CD300A: variants seen among roughly 807,000 people sequenced by gnomAD.
CD300A encodes CMRF35-like molecule 8.
CD300A carries 22 observed loss-of-function variants against 33.6 expected under a neutral mutation model. That is an observed-to-expected ratio of 0.66 (90% CI 0.47 to 0.94). The LOEUF is 0.94. Among genes scored for constraint, CD300A ranks in the 40% least tolerant of loss-of-function variants. The pLI, the probability that CD300A is intolerant of heterozygous loss-of-function variation, is 0.00. For synonymous variants in CD300A, 136 were observed against 148.1 expected (o/e 0.92, Z 0.59); for missense variants, 326 against 360.5 (o/e 0.90, Z 0.77).
rs1208751273 is a variant in CD300A at position 74,466,673 on chromosome 17, T to A, written c.-31T>A. ...GGGTCCAGGTAGGGCCTGGAGCTGC[T>A]GCAAGTGCCGCCTGTGCTGGGGAAG... is the stretch of plus-strand genomic sequence containing the variant. On this transcript the variant is annotated 5_prime_UTR_variant, in exon 1 of 7. Transcript: ENST00000360141. 6.3e-7 allele frequency: 1 copy of A among 1,584,426 alleles called. No homozygotes were observed. Among genetic ancestry groups the A allele is most frequent in the African/African-American group, 1.3e-5 (1 of 74,430 alleles).
At chr17:74,471,910 G>A (rs1420842214) in intron 1 of CD300A, among the ~76,000 whole-genome samples, 2 of 152,164 alleles carry the variant, frequency 1.3e-5, no homozygotes, top group Non-Finnish European at 2.9e-5. Context: ...AAAGTCTCAT[G>A]TGTGAGGAGA....
At chr17:74,483,345 T>G (rs1361290321) in intron 6 of CD300A, among the ~76,000 whole-genome samples, 2 of 147,682 alleles carry the variant, frequency 1.4e-5, no homozygotes, top group Non-Finnish European at 2.9e-5. Context: ...CCTTTTTTTT[T>G]CTTTTCTTTT....
chr17:74,471,337 C>T (rs1906087185), intron 1 of CD300A, among the ~76,000 whole-genome samples: 1 of 152,060 alleles, frequency 6.6e-6, no homozygotes, highest in African/African-American at 2.4e-5. Flanking sequence ...TTTAGTCAGC[C>T]CAGAGGTTAT....
intron 5 of CD300A, 78 bp from the exon 6 acceptor site, chr17:74,481,648 G>T: frequency 9.9e-7 from 1 of 1,013,474 alleles, no homozygotes. Flanking sequence ...ATAGAGGAAG[G>T]GGAGACACAT....
chr17:74,483,336 C>CT (rs35169353), intron 6 of CD300A, among the ~76,000 whole-genome samples: 20 of 149,494 alleles, frequency 1.3e-4, no homozygotes, highest in African/African-American at 4.5e-4. Flanking sequence ...GAGAACTTTC[C>CT]TTTTTTTTTC....
intron 6 of CD300A, among the ~76,000 whole-genome samples, chr17:74,483,680 G>A (rs1907067486): frequency 1.3e-5 from 2 of 152,194 alleles, no homozygotes; most frequent in Non-Finnish European, 2.9e-5. Context: ...ATTAAGAGAA[G>A]CACAGAGGTG....
Position 74,484,190 on chromosome 17 carries a change from T to C in CD300A, c.*64T>C. ...CCAGGAAGTCCAGGGACAGCTCCCT[T>C]ATACCTGGCCCACGTCCTTCTCAGC... On this transcript the variant is annotated 3_prime_UTR_variant, in exon 7 of 7. Transcript: ENST00000360141. The C allele has an allele frequency of 6.3e-7, 1 of 1,576,992 alleles. No individual in the cohort carries two copies. Among genetic ancestry groups the C allele is most frequent in the Non-Finnish European group, 8.7e-7 (1 of 1,153,658 alleles).
chr17:74,476,781 G>GCC (rs1232971814), intron 3 of CD300A, among the ~76,000 whole-genome samples: 1 of 152,216 alleles, frequency 6.6e-6, no homozygotes, highest in Non-Finnish European at 1.5e-5. Context: ...ATACCCTGCA[G>GCC]CTATAGGAAA....
intron 1 of CD300A, among the ~76,000 whole-genome samples, chr17:74,470,897 C>CTCAAATGCCTAGGCTCAAG (rs1157771685): frequency 1.3e-5 from 2 of 151,762 alleles, no homozygotes; most frequent in East Asian, 3.9e-4. Context: ...AGCAATCCTC[C>CTCAAATGCCTAGGCTCAAG]CACTTTGGCC....
At chr17:74,467,653 T>C (rs1383259632) in intron 1 of CD300A, among the ~76,000 whole-genome samples, 1 of 152,196 alleles carries the variant, frequency 6.6e-6, no homozygotes, top group Non-Finnish European at 1.5e-5. Context: ...TTGCTTTCCT[T>C]ACAGATCGGA....
chr17:74,466,721 T>C lies in CD300A; in HGVS notation c.18T>C (p.Ala6=). 6.3e-7 allele frequency: 1 copy of C among 1,596,462 alleles called. No individual in the cohort carries two copies. ...AAGGGACCATGTGGCTGCCTTGGGC[T>C]CTGTTGCTTCTCTGGGTCCCAGGTG... is the stretch of plus-strand genomic sequence containing the variant. MWLPW[A]LLLLWVPGCF... is the part of the protein sequence containing the mutation. The change falls in exon 1 of 7, where the codon GCT becomes GCC. Residue 6 remains alanine (A), a synonymous_variant. Coordinates refer to ENST00000360141, the MANE Select transcript of CD300A (RefSeq NM_007261.4).
intron 1 of CD300A, among the ~76,000 whole-genome samples, chr17:74,469,356 G>A (rs1227445096): frequency 2.2e-4 from 33 of 148,988 alleles, no homozygotes; most frequent in Admixed American, 1.9e-3. Flanking sequence ...GCAAGACCCC[G>A]TCTCTTAAAA....
Position 74,484,112 on chromosome 17 carries a change from A to C in CD300A, c.886A>C (p.Ile296Leu). Residue 296 changes from isoleucine (I) to leucine (L), a missense_variant, in exon 7 of 7, where the codon ATA becomes CTA. Physicochemically the swap from Ile to Leu is conservative, Grantham distance 5 (BLOSUM62 2). Coordinates refer to ENST00000360141, the MANE Select transcript of CD300A (RefSeq NM_007261.4). The stretch of plus-strand genomic sequence containing the variant: ...GGAACCAGATTCAGATTACAGTGTG[A>C]TAAGGAAGACATAGGCTTTTGTCCT... Reference protein sequence around the residue: ...EEEPDSDYSVIRKT With the variant: ...EEEPDSDYSVLRKT 6.2e-7 allele frequency: 1 copy of C among 1,613,844 alleles called. No individual in the cohort carries two copies. Among genetic ancestry groups the C allele is most frequent in the Non-Finnish European group, 8.5e-7 (1 of 1,179,874 alleles).
At position 74,473,448 on chromosome 17, in the gene CD300A, C is replaced by T. The variant is rs73352374; in HGVS notation, c.41-88C>T. ...TCTGCCTGCCGCTGCCTCCTCCACA[C>T]CCCCAGGGTCCATGCGGCCCTGACC... is the stretch of plus-strand genomic sequence containing the variant. On this transcript the variant is annotated intron_variant, in intron 1 of 6. Coordinates refer to ENST00000360141, the MANE Select transcript of CD300A (RefSeq NM_007261.4). 1.1e-3 allele frequency: 1,374 copies of T among 1,287,010 alleles called. 9 individuals carry two copies. The African/African-American group carries it at 0.018, about 17-fold the overall frequency. 79.7% of individuals were successfully genotyped at this position (1,287,010 alleles called of 1,614,324 possible).
In CD300A at chr17:74,484,420, C is replaced by T. The variant is rs1907119669; in HGVS notation, c.*294C>T. ...CCAGCTCTGTGTGTGGAGGACAAAG[C>T]TTCTTCCTGCGTGGCTCCAGGAAAA... On this transcript the variant is annotated 3_prime_UTR_variant, in exon 7 of 7. Coordinates refer to ENST00000360141, the MANE Select transcript of CD300A (RefSeq NM_007261.4). The T allele has an allele frequency of 8.5e-6, 2 of 234,494 alleles. No homozygotes were observed. Among genetic ancestry groups the T allele is most frequent in the Non-Finnish European group, 1.7e-5 (2 of 118,130 alleles). The allele number at this position is 234,494 out of a possible 1,614,324, so 14.5% of individuals were successfully genotyped here. A position where few individuals can be genotyped will look rare whatever the true frequency, so the allele number is the denominator to read the frequency against.
Position 74,479,421 on chromosome 17 carries a change from T to A in CD300A, c.629-1868T>A, listed in dbSNP as rs763501351. Among the ~76,000 whole-genome samples the A allele has an allele frequency of 1.9e-4, 23 of 123,928 alleles. 1 individual carries two copies. In the East Asian group the frequency reaches 5.6e-3, roughly 30 times the overall value. 81.3% of individuals were successfully genotyped at this position (123,928 alleles called of 152,430 possible). On this transcript the variant is annotated intron_variant, in intron 4 of 6. Transcript: ENST00000360141. The stretch of plus-strand genomic sequence containing the variant: ...CACCACGTCTGGCTAATGGTTAAAT[T>A]TTTTTTTTTAAGAGATGGGGTTTCA...
At chr17:74,470,275 C>T in intron 1 of CD300A, 1 of 957,874 alleles carries the variant, frequency 1.0e-6, no homozygotes. Context: ...GGTTTTCTGA[C>T]ACTTCGCAAT....
chr17:74,483,032 C>G (rs11867641), intron 6 of CD300A, among the ~76,000 whole-genome samples: 1 of 152,028 alleles, frequency 6.6e-6, no homozygotes, highest in Non-Finnish European at 1.5e-5. Context: ...AGTTTCTGAG[C>G]GCCCCTGCAC....
intron 4 of CD300A, 71 bp downstream of exon 4, chr17:74,477,601 A>T: frequency 1.0e-6 from 1 of 973,930 alleles, no homozygotes; most frequent in Non-Finnish European, 1.6e-6. Context: ...GCTCATCTTC[A>T]AAGCTATGTC....
Sources: allele counts gnomAD v4.1 joint callset (sites outside exome capture counted in the v4.1 genomes callset), GRCh38; gene constraint gnomAD v4.1.1; transcripts MANE v1.5; gene names NCBI Gene and HGNC (gene_info 2026-07-23, HGNC 2026-07-21).